PIBF1: variants seen among roughly 807,000 people sequenced by gnomAD.
PIBF1 encodes the protein progesterone immunomodulatory binding factor 1, also known as progesterone-induced-blocking factor 1.
Under a neutral mutation model 112.5 loss-of-function variants are expected in PIBF1, and 90 were observed. The ratio of observed to expected loss-of-function variants is 0.80; its 90% CI spans 0.67 to 0.95. The LOEUF (loss-of-function observed/expected upper bound fraction) is 0.95. Among genes scored for constraint, PIBF1 ranks in the 40% least tolerant of loss-of-function variants. The pLI, the probability that PIBF1 is intolerant of heterozygous loss-of-function variation, is 0.00. For synonymous variants in PIBF1, 301 were observed against 288.6 expected (o/e 1.04, Z -0.44); for missense variants, 915 against 852.3 (o/e 1.07, Z -0.92).
intron 10 of PIBF1, among the ~76,000 whole-genome samples, chr13:72,880,045 C>T (rs1693141148): frequency 6.6e-6 from 1 of 152,162 alleles, no homozygotes; most frequent in South Asian, 2.1e-4. Context: ...ATCAGTTAAG[C>T]AGCAGTGATA....
intron 6 of PIBF1, among the ~76,000 whole-genome samples, chr13:72,823,684 T>G (rs1566316651): frequency 1.3e-5 from 2 of 152,202 alleles, no homozygotes; most frequent in Non-Finnish European, 2.9e-5. Flanking sequence ...GAAAATAAAT[T>G]GAGATTTACT....
chr13:72,913,678 G>A (rs996459342), intron 12 of PIBF1, among the ~76,000 whole-genome samples: 3 of 151,722 alleles, frequency 2.0e-5, no homozygotes, highest in Admixed American at 6.6e-5. Context: ...TGGGATGATC[G>A]CCTGAGCCCT....
intron 8 of PIBF1, among the ~76,000 whole-genome samples, chr13:72,832,985 A>C (rs1408276832): frequency 6.6e-6 from 1 of 152,060 alleles, no homozygotes; most frequent in Non-Finnish European, 1.5e-5. Context: ...TTTTGTCTCT[A>C]ATCTTGTCTT....
At chr13:72,910,969 G>A (rs996889876) in intron 12 of PIBF1, among the ~76,000 whole-genome samples, 1 of 152,040 alleles carries the variant, frequency 6.6e-6, no homozygotes, top group Non-Finnish European at 1.5e-5. Flanking sequence ...AGGCTTTTTT[G>A]TATTTCATTC....
chr13:72,948,810 G>C (rs1033910203), intron 14 of PIBF1, among the ~76,000 whole-genome samples: 8 of 152,138 alleles, frequency 5.3e-5, no homozygotes, highest in South Asian at 2.1e-4. Flanking sequence ...CAGAACAAAG[G>C]GGGGAAAGCC....
chr13:72,951,851 A>G (rs1353850067), intron 14 of PIBF1, among the ~76,000 whole-genome samples: 1 of 152,060 alleles, frequency 6.6e-6, no homozygotes, highest in Non-Finnish European at 1.5e-5. Flanking sequence ...ACAGGCGTGC[A>G]CCACCAAACC....
chr13:72,986,754 A>G (rs1477042962), intron 16 of PIBF1, among the ~76,000 whole-genome samples: 1 of 145,810 alleles, frequency 6.9e-6, no homozygotes. Context: ...GCAGTGGCGC[A>G]ATCTCGGCTC....
rs1594345958 is a variant in PIBF1 at position 72,998,964 on chromosome 13, A to G, written c.2192A>G (p.Asp731Gly). 3 of 1,608,702 alleles carry G rather than the reference A, an allele frequency of 1.9e-6. No homozygotes were observed. The highest frequency in any genetic ancestry group is 8.5e-7 in the Non-Finnish European group (1 of 1,176,646). Residue 731 changes from aspartate to glycine, a missense_variant, in exon 17 of 18, where the codon GAC becomes GGC. By Grantham distance (94) the Asp-to-Gly change is moderately conservative (BLOSUM62 -1). Transcript: ENST00000326291. ...KTLNVPKEHE[D>G]NIFTPKPTLF... ...TTGAATGTGCCTAAAGAGCATGAAGACAATATATTTACACCTAAACCAACA... is the reference window on the plus strand; with the variant it reads ...TTGAATGTGCCTAAAGAGCATGAAGGCAATATATTTACACCTAAACCAACA...
chr13:73,001,864 T>A (rs1180276572), intron 17 of PIBF1, among the ~76,000 whole-genome samples: 1 of 152,134 alleles, frequency 6.6e-6, no homozygotes, highest in Non-Finnish European at 1.5e-5. Context: ...CCTCGTGATC[T>A]GCCCACCTCG....
chr13:72,843,080 C>A (rs1327626880), intron 9 of PIBF1, among the ~76,000 whole-genome samples: 1 of 152,008 alleles, frequency 6.6e-6, no homozygotes, highest in Admixed American at 6.6e-5. Flanking sequence ...TAAGATTGGG[C>A]CAGATTTTAA....
intron 9 of PIBF1, among the ~76,000 whole-genome samples, chr13:72,846,527 A>T (rs1464912689): frequency 6.6e-6 from 1 of 152,110 alleles, no homozygotes; most frequent in Non-Finnish European, 1.5e-5. Flanking sequence ...ACTTAGTAAA[A>T]CTTTAAATGA....
chr13:73,005,919 C>CTTT (rs34315714), intron 17 of PIBF1, among the ~76,000 whole-genome samples: 1,377 of 132,760 alleles, frequency 0.01, 37 homozygotes, highest in African/African-American at 0.026. Flanking sequence ...TCTGGTTTCA[C>CTTT]TTTTTTTTTT....
intron 10 of PIBF1, among the ~76,000 whole-genome samples, chr13:72,867,148 C>G (rs888341161): frequency 1.3e-5 from 2 of 152,028 alleles, no homozygotes; most frequent in Non-Finnish European, 2.9e-5. Context: ...CAGATCTTTC[C>G]CATGCTGTTC....
At chr13:72,900,166 T>C (rs2040430336) in intron 11 of PIBF1, among the ~76,000 whole-genome samples, 1 of 151,842 alleles carries the variant, frequency 6.6e-6, no homozygotes, top group Non-Finnish European at 1.5e-5. Context: ...ATTATGAAAA[T>C]GACCATACTG....
intron 9 of PIBF1, among the ~76,000 whole-genome samples, chr13:72,843,224 G>C (rs1389782918): frequency 6.6e-6 from 1 of 152,180 alleles, no homozygotes; most frequent in Non-Finnish European, 1.5e-5. Context: ...GGGAGATCAC[G>C]TAGGAGGCTG....
intron 8 of PIBF1, among the ~76,000 whole-genome samples, chr13:72,829,299 A>C (rs1279973242): frequency 6.6e-6 from 1 of 152,022 alleles, no homozygotes; most frequent in Admixed American, 6.6e-5. Context: ...TCCATTTGTC[A>C]ATTTTGGCTT....
chr13:72,874,834 C>T (rs370226386), intron 10 of PIBF1, among the ~76,000 whole-genome samples: 1 of 152,104 alleles, frequency 6.6e-6, no homozygotes, highest in East Asian at 1.9e-4. Context: ...GCTCATATAA[C>T]CCCTACCCCT....
intron 10 of PIBF1, among the ~76,000 whole-genome samples, chr13:72,870,839 A>C (rs183567770): frequency 3.2e-4 from 48 of 152,166 alleles, no homozygotes; most frequent in African/African-American, 1.1e-3. Context: ...AAAAAAAAAA[A>C]AAACAGATAA....
chr13:72,858,104 T>C (rs2038524353), intron 10 of PIBF1, among the ~76,000 whole-genome samples: 1 of 150,792 alleles, frequency 6.6e-6, no homozygotes, highest in South Asian at 2.1e-4. Context: ...CAGTCTGGAG[T>C]GCAGTGGCAC....
Sources: gnomAD v4.1 joint callset for allele counts (sites outside exome capture counted in the v4.1 genomes callset) on GRCh38, gnomAD v4.1.1 for gene constraint, MANE v1.5 for transcripts, NCBI Gene and HGNC (gene_info 2026-07-23, HGNC 2026-07-21) for gene names.